The following PLD5 variants were observed in gnomAD, a reference collection of about 807,000 sequenced individuals.
The protein encoded by PLD5 is phospholipase D family member 5.
A neutral mutation model predicts 61.1 loss-of-function variants in PLD5; 36 were observed. That is an observed-to-expected ratio of 0.59 (90% CI 0.45 to 0.78). The LOEUF (loss-of-function observed/expected upper bound fraction) is 0.78, where lower values mean the gene tolerates loss of function less well. Ranked by LOEUF, PLD5 falls within the 30% of genes least tolerant of loss-of-function variation. PLD5 has a pLI of 0.00. For synonymous variants in PLD5, 243 were observed against 242.8 expected, an observed-to-expected ratio of 1.00 and a Z score of -0.01; for missense variants, 515 against 644.4, an observed-to-expected ratio of 0.80 and a Z score of 2.17.
chr1:242,400,802 A>T (rs1000974200), intron 1 of PLD5, among the ~76,000 whole-genome samples: 3 of 152,134 alleles, frequency 2.0e-5, no homozygotes, highest in Non-Finnish European at 4.4e-5. Flanking sequence ...CATGGGACAA[A>T]AAATGGACAT....
chr1:242,207,886 T>TTTTA lies in PLD5; in HGVS notation c.735+12101_735+12102insTAAA, dbSNP rs1558344365. Reference sequence around the variant, plus strand: ...TATATATTTATATATATTTATATATTTATATATATTTATATATTTATATAT... The same window carrying TTTTA: ...TATATATTTATATATATTTATATATTTTTATATATATATTTATATATTTATATAT... On this transcript the variant is annotated intron_variant, in intron 5 of 9. Coordinates refer to ENST00000536534, the MANE Select transcript of PLD5 (RefSeq NM_001372062.1). 3.9e-4 allele frequency among the ~76,000 whole-genome samples: 10 copies of TTTTA among 25,352 alleles called. 2 individuals are homozygous for TTTTA. In the African/African-American group the frequency reaches 4.1e-3, roughly 10 times the overall value. 16.6% of individuals were successfully genotyped at this position (25,352 alleles called of 152,430 possible).
At chr1:242,367,046 T>C (rs1391986494) in intron 1 of PLD5, among the ~76,000 whole-genome samples, 2 of 152,120 alleles carry the variant, frequency 1.3e-5, no homozygotes, top group Admixed American at 6.6e-5. Flanking sequence ...TTTTTTAAAA[T>C]AGCAAGACCG....
chr1:242,479,841 A>G (rs541105119), intron 1 of PLD5, among the ~76,000 whole-genome samples: 21 of 151,910 alleles, frequency 1.4e-4, no homozygotes, highest in African/African-American at 4.8e-4. Context: ...CAGGAGATCG[A>G]GACTAACCTG....
chr1:242,267,992 T>C (rs1322131918), intron 3 of PLD5, among the ~76,000 whole-genome samples: 2 of 152,026 alleles, frequency 1.3e-5, no homozygotes, highest in South Asian at 4.2e-4. Context: ...ATGTGCTGAT[T>C]TGCAGATTTT....
At chr1:242,151,959 A>G (rs2148819140) in intron 5 of PLD5, among the ~76,000 whole-genome samples, 1 of 152,180 alleles carries the variant, frequency 6.6e-6, no homozygotes. Context: ...TTGAAAATCT[A>G]TAGTATAAAA....
chr1:242,383,535 A>T (rs898197138), intron 1 of PLD5, among the ~76,000 whole-genome samples: 6 of 150,048 alleles, frequency 4.0e-5, no homozygotes, highest in Admixed American at 1.3e-4. Context: ...TTTCTGTTAA[A>T]TTTTTTCTTT....
chr1:242,265,891 A>G (rs1255340535), intron 3 of PLD5, among the ~76,000 whole-genome samples: 1 of 152,180 alleles, frequency 6.6e-6, no homozygotes, highest in East Asian at 1.9e-4. Flanking sequence ...GATAATATTT[A>G]TATTTACTTC....
At chr1:242,211,365 A>T (rs185677682) in intron 5 of PLD5, among the ~76,000 whole-genome samples, 1 of 152,272 alleles carries the variant, frequency 6.6e-6, no homozygotes, top group Admixed American at 6.5e-5. Context: ...AAGGAATGTA[A>T]AGTATTTTAT....
rs147866730 is a variant in PLD5, at chr1:242,487,945, A to T, written c.189+36143T>A. On this transcript the variant is annotated intron_variant, in intron 1 of 9. Coordinates refer to ENST00000536534, the MANE Select transcript of PLD5 (RefSeq NM_001372062.1). Reference sequence around the variant, plus strand: ...TATCATTTTTGTATATTCATCTTATATTTCATGACCTTGCTAAATTTACTT... The same window carrying T: ...TATCATTTTTGTATATTCATCTTATTTTTCATGACCTTGCTAAATTTACTT... Among the ~76,000 whole-genome samples the T allele has an allele frequency of 6.6e-4, 100 of 152,262 alleles. 1 individual carries two copies. In the East Asian group the frequency reaches 0.019, roughly 28 times the overall value.
chr1:242,084,727 C>T lies in PLD5; in HGVS notation c.*5127G>A, dbSNP rs903555505. On this transcript the variant is annotated 3_prime_UTR_variant, in exon 10 of 10. Transcript: ENST00000536534. ...TTTTCTCACTAAAAATTAATGTACT[C>T]AGAATGAACATTTATTGGAAAGGTT... 2 of 137,016 alleles carry T rather than the reference C, an allele frequency of 1.5e-5. No homozygotes were observed. Among genetic ancestry groups the T allele is most frequent in the African/African-American group, 2.7e-5 (1 of 36,528 alleles). 8.5% of individuals were successfully genotyped at this position (137,016 alleles called of 1,614,324 possible).
intron 5 of PLD5, among the ~76,000 whole-genome samples, chr1:242,209,797 T>G (rs1436858320): frequency 6.6e-6 from 1 of 152,088 alleles, no homozygotes; most frequent in African/African-American, 2.4e-5. Flanking sequence ...TTGTGGGTTG[T>G]TTGTTGTTCA....
At chr1:242,157,491 T>C (rs548449449) in intron 5 of PLD5, among the ~76,000 whole-genome samples, 7 of 152,306 alleles carry the variant, frequency 4.6e-5, no homozygotes, top group African/African-American at 1.7e-4. Flanking sequence ...ACTTGGTGGA[T>C]TTATCTAACT....
At position 242,501,790 on chromosome 1, in the gene PLD5, T is replaced by TTTTATATATATA. The variant is rs770416059; in HGVS notation, c.189+22297_189+22298insTATATATATAAA. On this transcript the variant is annotated intron_variant, in intron 1 of 9. Transcript: ENST00000536534. ...AAAATTAAGATATATTAATATTCCA[T>TTTTATATATATA]TATATATATATATATATATACACTA... Among the ~76,000 whole-genome samples, 1,023 of 147,168 alleles carry TTTTATATATATA rather than the reference T, an allele frequency of 7.0e-3. 12 individuals carry two copies. Among genetic ancestry groups the TTTTATATATATA allele is most frequent in the African/African-American group, 0.018 (746 of 40,576 alleles).
chr1:242,465,359 T>C (rs959249532), intron 1 of PLD5, among the ~76,000 whole-genome samples: 1 of 152,214 alleles, frequency 6.6e-6, no homozygotes, highest in South Asian at 2.1e-4. Context: ...TCCTAATTGG[T>C]CTCCTTTATT....
At chr1:242,502,769 A>C (rs1324078998) in intron 1 of PLD5, among the ~76,000 whole-genome samples, 2 of 152,164 alleles carry the variant, frequency 1.3e-5, no homozygotes, top group Non-Finnish European at 2.9e-5. Flanking sequence ...TGTAAAACAG[A>C]GTCCTGTGGG....
intron 1 of PLD5, among the ~76,000 whole-genome samples, chr1:242,453,302 T>C (rs1245942932): frequency 1.3e-5 from 2 of 152,220 alleles, no homozygotes; most frequent in Non-Finnish European, 2.9e-5. Context: ...TCTGGGACTT[T>C]CCAGCCTCCA....
At chr1:242,459,928 G>T (rs1667065333) in intron 1 of PLD5, among the ~76,000 whole-genome samples, 1 of 152,114 alleles carries the variant, frequency 6.6e-6, no homozygotes, top group Non-Finnish European at 1.5e-5. Context: ...GGTCTCTTTA[G>T]GGTTAAAGCA....
chr1:242,127,643 G>A (rs1662901138), intron 5 of PLD5, among the ~76,000 whole-genome samples: 1 of 151,998 alleles, frequency 6.6e-6, no homozygotes, highest in Admixed American at 6.6e-5. Flanking sequence ...ACAGACTTTG[G>A]GGACTTGGGA....
chr1:242,083,545 CTTTG>C lies in PLD5; in HGVS notation c.*6305_*6308del, dbSNP rs1261393949. Reference sequence around the variant, plus strand: ...GCTTTATCACTGGAGACAAATTGGCCTTTGTTTCTCAATGACATTTTCCTACAGA... The same window carrying C: ...GCTTTATCACTGGAGACAAATTGGCCTTTCTCAATGACATTTTCCTACAGA... On this transcript the variant is annotated 3_prime_UTR_variant, in exon 10 of 10. Coordinates refer to ENST00000536534, the MANE Select transcript of PLD5 (RefSeq NM_001372062.1). 3 of 152,132 alleles carry C rather than the reference CTTTG, an allele frequency of 2.0e-5. No homozygotes were observed. 9.4% of individuals were successfully genotyped at this position (152,132 alleles called of 1,614,324 possible). A position where few individuals can be genotyped will look rare whatever the true frequency, so the allele number is the denominator to read the frequency against.
Sources: gnomAD v4.1 joint callset for allele counts (sites outside exome capture counted in the v4.1 genomes callset) on GRCh38, gnomAD v4.1.1 for gene constraint, MANE v1.5 for transcripts, NCBI Gene and HGNC (gene_info 2026-07-23, HGNC 2026-07-21) for gene names.